Variants in EXOC4 observed in about 807,000 individuals in gnomAD.
EXOC4 encodes the protein SEC8-like 1.
A neutral mutation model predicts 107.2 loss-of-function variants in EXOC4; 71 were observed. That is an observed-to-expected ratio of 0.66 (90% CI 0.55 to 0.81). The LOEUF (loss-of-function observed/expected upper bound fraction) is 0.81, where lower values mean the gene tolerates loss of function less well. Among genes scored for constraint, EXOC4 ranks in the 30% least tolerant of loss-of-function variants. The pLI is 0.00. For synonymous variants in EXOC4, 456 were observed against 441.2 expected (o/e 1.03, Z -0.42); for missense variants, 1,108 against 1,189.6 (o/e 0.93, Z 1.01).
intron 9 of EXOC4, among the ~76,000 whole-genome samples, chr7:133,586,411 A>G (rs1801404777): frequency 1.3e-5 from 2 of 152,278 alleles, no homozygotes; most frequent in East Asian, 3.9e-4. Flanking sequence ...CTCCAGCTCC[A>G]TCCATGTTGC....
In EXOC4 at chr7:133,917,664, T is replaced by C. The variant is rs139852047; in HGVS notation, c.1953T>C (p.Ser651=). 139 of 1,613,988 alleles carry C rather than the reference T, an allele frequency of 8.6e-5. 1 individual carries two copies. The highest frequency in any genetic ancestry group is 1.1e-4 in the Non-Finnish European group (133 of 1,180,014). The change falls in exon 13 of 18, where the codon TCT becomes TCC. Residue 651 remains serine, a synonymous_variant. Coordinates refer to ENST00000253861, the MANE Select transcript of EXOC4 (RefSeq NM_021807.4). ...KDDDISRLLK[S]LPNWMNMAQP... is the part of the protein sequence containing the mutation. The stretch of plus-strand genomic sequence containing the variant: ...ATGATATCAGCAGACTCTTGAAATC[T>C]CTACCAAACTGGATGAATATGGCTC...
At chr7:134,003,655 G>A (rs1256446391) in intron 15 of EXOC4, among the ~76,000 whole-genome samples, 3 of 152,010 alleles carry the variant, frequency 2.0e-5, no homozygotes, top group Non-Finnish European at 4.4e-5. Flanking sequence ...GTCAGACAGA[G>A]CACCTAAAAC....
chr7:134,048,765 G>A (rs1795716390), intron 17 of EXOC4, among the ~76,000 whole-genome samples: 1 of 152,136 alleles, frequency 6.6e-6, no homozygotes, highest in African/African-American at 2.4e-5. Context: ...TCTTTACTGA[G>A]GTGCTGCCAT....
intron 7 of EXOC4, among the ~76,000 whole-genome samples, chr7:133,463,493 T>A (rs553630516): frequency 6.6e-6 from 1 of 152,208 alleles, no homozygotes; most frequent in Non-Finnish European, 1.5e-5. Flanking sequence ...AAGTATGATG[T>A]AAGAGGGATA....
At chr7:133,420,347 C>T (rs1305072420) in intron 7 of EXOC4, among the ~76,000 whole-genome samples, 1 of 151,852 alleles carries the variant, frequency 6.6e-6, no homozygotes, top group Non-Finnish European at 1.5e-5. Context: ...ATATGTGCCA[C>T]ATTTTCTTAA....
intron 11 of EXOC4, among the ~76,000 whole-genome samples, chr7:133,818,009 CCT>C (rs982739170): frequency 1.3e-4 from 20 of 152,204 alleles, no homozygotes; most frequent in African/African-American, 4.8e-4. Flanking sequence ...AGTAAACTGA[CCT>C]TTAAAAGTCA....
chr7:133,415,442 T>C (rs1797453203), intron 7 of EXOC4, among the ~76,000 whole-genome samples: 1 of 152,332 alleles, frequency 6.6e-6, no homozygotes, highest in South Asian at 2.1e-4. Context: ...CTGTTCATCT[T>C]TGATTATAAA....
At chr7:133,323,661 C>G (rs930281266) in intron 5 of EXOC4, among the ~76,000 whole-genome samples, 3 of 152,148 alleles carry the variant, frequency 2.0e-5, no homozygotes, top group African/African-American at 7.2e-5. Context: ...GGATATTGGT[C>G]TAAAATTCTC....
At chr7:133,979,935 C>T (rs1181935373) in intron 14 of EXOC4, among the ~76,000 whole-genome samples, 6 of 152,136 alleles carry the variant, frequency 3.9e-5, no homozygotes, top group African/African-American at 1.4e-4. Flanking sequence ...TCCTCAACAT[C>T]ATTCCTGGCT....
intron 9 of EXOC4, among the ~76,000 whole-genome samples, chr7:133,590,125 C>T (rs944008657): frequency 7.9e-5 from 12 of 151,980 alleles, no homozygotes; most frequent in African/African-American, 2.4e-4. Flanking sequence ...CTCGAATTTC[C>T]GATGTCTCCA....
intron 10 of EXOC4, 106 bp from the exon 11 acceptor site, chr7:133,817,219 C>T (rs751571977): frequency 4.8e-5 from 34 of 711,992 alleles, no homozygotes; most frequent in Non-Finnish European, 6.8e-5. Context: ...GATGACCTGC[C>T]CTCTTCACAG....
At chr7:133,336,332 C>T (rs771672228) in intron 5 of EXOC4, among the ~76,000 whole-genome samples, 1 of 152,124 alleles carries the variant, frequency 6.6e-6, no homozygotes, top group Non-Finnish European at 1.5e-5. Context: ...ATGTTTAGGT[C>T]TTGATCCATT....
intron 11 of EXOC4, among the ~76,000 whole-genome samples, chr7:133,855,187 A>G (rs980420249): frequency 6.9e-6 from 1 of 144,778 alleles, no homozygotes; most frequent in Non-Finnish European, 1.5e-5. Context: ...AGCAAAGAGA[A>G]GTGGACAGTT....
At chr7:133,643,716 A>G (rs751594872) in intron 10 of EXOC4, among the ~76,000 whole-genome samples, 5 of 152,256 alleles carry the variant, frequency 3.3e-5, no homozygotes, top group South Asian at 2.1e-4. Context: ...TATGAAGTCA[A>G]TAAATCTTAT....
intron 6 of EXOC4, among the ~76,000 whole-genome samples, chr7:133,364,639 A>T (rs1035535999): frequency 6.6e-6 from 1 of 152,170 alleles, no homozygotes; most frequent in African/African-American, 2.4e-5. Context: ...ACAGGACTCT[A>T]TGCCTTAGTT....
At chr7:133,462,909 G>A (rs903429992) in intron 7 of EXOC4, among the ~76,000 whole-genome samples, 1 of 152,134 alleles carries the variant, frequency 6.6e-6, no homozygotes, top group African/African-American at 2.4e-5. Flanking sequence ...TGTGTTGTGA[G>A]AGGCGCTGAA....
At chr7:133,327,229 T>C (rs531353365) in intron 5 of EXOC4, among the ~76,000 whole-genome samples, 1 of 152,156 alleles carries the variant, frequency 6.6e-6, no homozygotes, top group Non-Finnish European at 1.5e-5. Flanking sequence ...GCCCCCACTG[T>C]CCGACAAGCC....
At chr7:133,340,760 T>C (rs1685569) in intron 5 of EXOC4, among the ~76,000 whole-genome samples, 1 of 151,756 alleles carries the variant, frequency 6.6e-6, no homozygotes, top group South Asian at 2.1e-4. Context: ...CTAGGAGGGT[T>C]GTATATTTCC....
At chr7:133,326,721 A>G (rs1474875345) in intron 5 of EXOC4, among the ~76,000 whole-genome samples, 3 of 152,174 alleles carry the variant, frequency 2.0e-5, no homozygotes, top group African/African-American at 7.2e-5. Context: ...GAGAACCACT[A>G]CAAACTTCAA....
Sources: gnomAD v4.1 joint callset for allele counts (sites outside exome capture counted in the v4.1 genomes callset) on GRCh38, gnomAD v4.1.1 for gene constraint, MANE v1.5 for transcripts, NCBI Gene and HGNC (gene_info 2026-07-23, HGNC 2026-07-21) for gene names.